Variants in MACROD2 observed in about 807,000 individuals in gnomAD.
MACROD2 encodes ADP-ribose glycohydrolase MACROD2.
Under a neutral mutation model 70.4 loss-of-function variants are expected in MACROD2, and 36 were observed. The observed-to-expected ratio is 0.51, with a 90% confidence interval of 0.39 to 0.68. The LOEUF is 0.68. Ranked by LOEUF, MACROD2 falls within the 30% of genes least tolerant of loss-of-function variation. MACROD2 has a pLI of 0.00. For missense variants in MACROD2, 496 were observed against 538.4 expected, an observed-to-expected ratio of 0.92 and a Z score of 0.78; for synonymous variants, 172 against 178.8, an observed-to-expected ratio of 0.96 and a Z score of 0.30.
chr20:14,246,639 C>A (rs2081970189), intron 3 of MACROD2, among the ~76,000 whole-genome samples: 2 of 152,170 alleles, frequency 1.3e-5, no homozygotes, highest in Non-Finnish European at 2.9e-5. Context: ...AAGGGTGAAA[C>A]AGGTAGAAGA....
intron 5 of MACROD2, among the ~76,000 whole-genome samples, chr20:14,817,535 T>C (rs149210396): frequency 3.9e-4 from 60 of 152,332 alleles, no homozygotes; most frequent in African/African-American, 1.1e-3. Flanking sequence ...AAGTTCTTAC[T>C]GACTCCTTGG....
intron 4 of MACROD2, among the ~76,000 whole-genome samples, chr20:14,591,470 A>G (rs1432057895): frequency 6.6e-6 from 1 of 152,230 alleles, no homozygotes; most frequent in Non-Finnish European, 1.5e-5. Flanking sequence ...GAAATTTAAA[A>G]TATTTCCAGC....
chr20:15,267,790 C>T (rs1206943363), intron 6 of MACROD2, among the ~76,000 whole-genome samples: 1 of 152,120 alleles, frequency 6.6e-6, no homozygotes, highest in African/African-American at 2.4e-5. Context: ...TGGGAAGTTC[C>T]TGCCAGTTGC....
intron 3 of MACROD2, chr20:14,329,027 C>T (rs998353255): frequency 6.6e-6 from 1 of 151,990 alleles, no homozygotes; most frequent in African/African-American, 2.4e-5. Flanking sequence ...GATGCTAAGG[C>T]CTGTATAGTA....
chr20:15,293,884 G>T (rs890367754), intron 6 of MACROD2, among the ~76,000 whole-genome samples: 2 of 152,076 alleles, frequency 1.3e-5, no homozygotes, highest in African/African-American at 4.8e-5. Flanking sequence ...TTGGGAGGCC[G>T]AGGCAGATGG....
intron 3 of MACROD2, among the ~76,000 whole-genome samples, chr20:14,172,864 G>A (rs911126942): frequency 4.6e-5 from 7 of 152,206 alleles, no homozygotes; most frequent in Admixed American, 4.6e-4. Flanking sequence ...TTCAGCATTT[G>A]TTTGTGTGAA....
chr20:14,594,506 C>T (rs892504629), intron 4 of MACROD2, among the ~76,000 whole-genome samples: 4 of 152,134 alleles, frequency 2.6e-5, no homozygotes, highest in Non-Finnish European at 4.4e-5. Flanking sequence ...CTAAGTAAGA[C>T]CATCTAAAAG....
intron 6 of MACROD2, among the ~76,000 whole-genome samples, chr20:15,421,763 A>C (rs570303896): frequency 6.6e-6 from 1 of 152,196 alleles, no homozygotes; most frequent in South Asian, 2.1e-4. Context: ...AACAAAGCAA[A>C]GGTCTTCCTG....
At chr20:14,344,137 A>C (rs948542716) in intron 3 of MACROD2, among the ~76,000 whole-genome samples, 4 of 152,182 alleles carry the variant, frequency 2.6e-5, no homozygotes, top group African/African-American at 9.6e-5. Flanking sequence ...AACATGTTTA[A>C]GGTAGAGTCA....
intron 6 of MACROD2, among the ~76,000 whole-genome samples, chr20:15,294,600 T>A (rs1198309223): frequency 1.3e-5 from 2 of 152,184 alleles, no homozygotes; most frequent in Admixed American, 1.3e-4. Context: ...CCAGTGGGTC[T>A]CCAGTATTTT....
rs562384159 is a variant in MACROD2, at chr20:14,178,430, A to C, written c.271+92702A>C. On this transcript the variant is annotated intron_variant, in intron 3 of 17. Transcript: ENST00000684519. ...AATATTCTGTTATGAAAAAATAGCA[A>C]AGTGCAAAAGAATGTCTCCAGGGCA... 3.7e-4 allele frequency among the ~76,000 whole-genome samples: 57 copies of C among 152,314 alleles called. 1 individual carries two copies. In the South Asian group the frequency reaches 0.011, roughly 29 times the overall value.
At chr20:15,747,383 G>A (rs116048021) in intron 8 of MACROD2, among the ~76,000 whole-genome samples, 2,991 of 152,220 alleles carry the variant, frequency 0.02, 93 homozygotes, top group African/African-American at 0.068. Flanking sequence ...TCAGGTAAAC[G>A]TTTGGTAATC....
intron 5 of MACROD2, among the ~76,000 whole-genome samples, chr20:14,747,654 C>T (rs578105875): frequency 3.4e-4 from 51 of 151,986 alleles, no homozygotes; most frequent in Middle Eastern, 3.4e-3. Flanking sequence ...GGCTCTTGCT[C>T]GGGTGGAAGG....
At chr20:14,124,742 C>T (rs1366965759) in intron 3 of MACROD2, among the ~76,000 whole-genome samples, 2 of 152,042 alleles carry the variant, frequency 1.3e-5, no homozygotes, top group Non-Finnish European at 2.9e-5. Context: ...TTTGGGGATT[C>T]CTCAAAAAGT....
At chr20:14,332,870 G>A (rs559245552) in intron 3 of MACROD2, among the ~76,000 whole-genome samples, 23 of 152,156 alleles carry the variant, frequency 1.5e-4, no homozygotes, top group African/African-American at 4.6e-4. Context: ...TTAAATTGCT[G>A]CCAAAAAAGC....
chr20:14,095,261 A>C (rs1037514515), intron 3 of MACROD2, among the ~76,000 whole-genome samples: 1 of 151,808 alleles, frequency 6.6e-6, no homozygotes, highest in African/African-American at 2.4e-5. Flanking sequence ...TCACAAAATT[A>C]AAAAAAAATT....
At chr20:14,627,287 C>G (rs1984233777) in intron 4 of MACROD2, among the ~76,000 whole-genome samples, 1 of 152,146 alleles carries the variant, frequency 6.6e-6, no homozygotes, top group Non-Finnish European at 1.5e-5. Context: ...TGGGAATTGG[C>G]CTCTTCTCAA....
At chr20:14,789,260 T>C (rs2072417047) in intron 5 of MACROD2, among the ~76,000 whole-genome samples, 1 of 151,864 alleles carries the variant, frequency 6.6e-6, no homozygotes. Context: ...CATATGTGTA[T>C]GATATGCCTA....
chr20:14,032,165 G>C (rs907600249), intron 2 of MACROD2, among the ~76,000 whole-genome samples: 10 of 151,436 alleles, frequency 6.6e-5, no homozygotes, highest in Admixed American at 6.6e-4. Flanking sequence ...TTTTTAAATG[G>C]CTGTGTATGT....
Sources: allele counts gnomAD v4.1 joint callset (sites outside exome capture counted in the v4.1 genomes callset), GRCh38; gene constraint gnomAD v4.1.1; transcripts MANE v1.5; gene names NCBI Gene and HGNC (gene_info 2026-07-23, HGNC 2026-07-21).